The following NEBL variants were observed in gnomAD, a reference collection of about 807,000 sequenced individuals.
NEBL encodes nebulette.
NEBL carries 122 observed loss-of-function variants against 140.2 expected under a neutral mutation model. The observed-to-expected ratio is 0.87, with a 90% confidence interval of 0.75 to 1.01. The LOEUF (loss-of-function observed/expected upper bound fraction) is 1.01, where lower values mean the gene tolerates loss of function less well. Ranked by LOEUF, NEBL falls within the 50% of genes least tolerant of loss-of-function variation. The pLI, the probability that NEBL is intolerant of heterozygous loss-of-function variation, is 0.00. For synonymous variants in NEBL, 436 were observed against 398.9 expected (o/e 1.09, Z -1.11); for missense variants, 1,365 against 1,231.3 (o/e 1.11, Z -1.62).
chr10:20,843,344 A>G (rs1238691976), intron 12 of NEBL, among the ~76,000 whole-genome samples: 1 of 150,944 alleles, frequency 6.6e-6, no homozygotes, highest in Non-Finnish European at 1.5e-5. Context: ...GTATTTTGTT[A>G]TAGCAGCCAG....
rs182723748 is a variant in NEBL, at chr10:20,831,349, A to G, written c.1561-43T>C. ...AATCTTAGAGCTTTGCTTAAGCTTTAATAGCGATGTTGAAATTTACATGTT... is the reference window on the plus strand; with the variant it reads ...AATCTTAGAGCTTTGCTTAAGCTTTGATAGCGATGTTGAAATTTACATGTT... On this transcript the variant is annotated intron_variant, in intron 15 of 27. Transcript: ENST00000377122. The G allele has an allele frequency of 2.9e-4, 454 of 1,539,964 alleles. 2 individuals carry two copies. In the African/African-American group the frequency reaches 5.2e-3, roughly 18 times the overall value.
chr10:21,254,189 G>A (rs1346250780), intron 1 of NEBL, among the ~76,000 whole-genome samples: 1 of 152,122 alleles, frequency 6.6e-6, no homozygotes, highest in Non-Finnish European at 1.5e-5. Context: ...CCAAGCTGGA[G>A]TTCAACGGCA....
chr10:20,839,029 A>G (rs1463939024), intron 13 of NEBL, among the ~76,000 whole-genome samples: 1 of 152,166 alleles, frequency 6.6e-6, no homozygotes, highest in Non-Finnish European at 1.5e-5. Flanking sequence ...AACCCATAGT[A>G]TCTCCACAGT....
chr10:21,240,941 C>CAA, intron 3 of NEBL, among the ~76,000 whole-genome samples: 1 of 151,002 alleles, frequency 6.6e-6, no homozygotes, highest in Non-Finnish European at 1.5e-5. Context: ...CACACACACA[C>CAA]ACACAAAACC....
intron 2 of NEBL, among the ~76,000 whole-genome samples, chr10:21,058,103 C>A (rs1287867321): frequency 1.3e-5 from 2 of 152,202 alleles, no homozygotes; most frequent in Admixed American, 1.3e-4. Context: ...ATACTACTAA[C>A]AGCTACTATC....
chr10:21,103,456 G>T (rs1411963991), intron 2 of NEBL, among the ~76,000 whole-genome samples: 1 of 151,980 alleles, frequency 6.6e-6, no homozygotes, highest in African/African-American at 2.4e-5. Context: ...CTCCTGATCC[G>T]CCCACCTTGG....
intron 2 of NEBL, among the ~76,000 whole-genome samples, chr10:21,090,158 G>A (rs1473950796): frequency 6.6e-6 from 1 of 152,196 alleles, no homozygotes; most frequent in East Asian, 1.9e-4. Flanking sequence ...AAGAGCTACG[G>A]TCTTCCCAGT....
chr10:20,829,196 T>TA (rs1840167022), intron 16 of NEBL, among the ~76,000 whole-genome samples: 2 of 152,112 alleles, frequency 1.3e-5, no homozygotes, highest in Admixed American at 6.6e-5. Flanking sequence ...TGAAGTTAAT[T>TA]ATTCTGGCAA....
At chr10:21,013,085 G>A (rs539607446) in intron 3 of NEBL, among the ~76,000 whole-genome samples, 18 of 152,222 alleles carry the variant, frequency 1.2e-4, no homozygotes, top group South Asian at 4.2e-4. Context: ...CAATGGGGGC[G>A]TGGGGGCAGG....
chr10:21,107,459 G>A (rs1837772919), intron 2 of NEBL, among the ~76,000 whole-genome samples: 1 of 152,034 alleles, frequency 6.6e-6, no homozygotes, highest in African/African-American at 2.4e-5. Context: ...TGTTTATGTG[G>A]TGGATTATGT....
intron 4 of NEBL, among the ~76,000 whole-genome samples, chr10:20,915,466 T>G (rs980908536): frequency 6.7e-6 from 1 of 148,598 alleles, no homozygotes; most frequent in African/African-American, 2.5e-5. Context: ...CCATGTGTTC[T>G]CATTGTTCAA....
intron 3 of NEBL, among the ~76,000 whole-genome samples, chr10:21,195,327 G>A (rs917580524): frequency 4.6e-5 from 7 of 152,168 alleles, no homozygotes; most frequent in African/African-American, 1.7e-4. Context: ...AGCTCAACTT[G>A]AGTGACAGCC....
At chr10:21,044,171 C>T (rs58157498) in intron 2 of NEBL, among the ~76,000 whole-genome samples, 15,300 of 151,932 alleles carry the variant, frequency 0.1, 2,526 homozygotes, top group African/African-American at 0.35. Flanking sequence ...CCAAGGCGGG[C>T]GGATCACCTG....
intron 3 of NEBL, among the ~76,000 whole-genome samples, chr10:21,191,107 T>C (rs1233006343): frequency 1.3e-5 from 2 of 152,216 alleles, no homozygotes; most frequent in African/African-American, 4.8e-5. Context: ...TCATATACAA[T>C]ATGTTCTGTG....
Position 20,944,195 on chromosome 10 carries a change from T to C in NEBL, c.357+17477A>G, listed in dbSNP as rs112404095. ...CAGGCAGGTCACCTGAGGTCTGGAG[T>C]TCAAGACCAGCCTTGCCACCCTGGT... is the stretch of plus-strand genomic sequence containing the variant. On this transcript the variant is annotated intron_variant, in intron 4 of 6. Coordinates refer to the NEBL transcript ENST00000417816. Among the ~76,000 whole-genome samples the C allele has an allele frequency of 4.8e-3, 731 of 151,724 alleles. 7 individuals are homozygous for C. Among genetic ancestry groups the C allele is most frequent in the African/African-American group, 0.017 (709 of 41,336 alleles).
At chr10:21,136,122 T>A (rs914620294) in intron 2 of NEBL, among the ~76,000 whole-genome samples, 2 of 152,130 alleles carry the variant, frequency 1.3e-5, no homozygotes, top group African/African-American at 4.8e-5. Context: ...CAGTGGAAGA[T>A]ACTCTAACCC....
chr10:21,249,184 T>A (rs948524278), intron 2 of NEBL, among the ~76,000 whole-genome samples: 2 of 152,140 alleles, frequency 1.3e-5, no homozygotes, highest in African/African-American at 4.8e-5. Context: ...ATGAGCACCA[T>A]ACCCAGCCCC....
At chr10:20,922,514 C>A (rs1427111899) in intron 4 of NEBL, among the ~76,000 whole-genome samples, 1 of 152,214 alleles carries the variant, frequency 6.6e-6, no homozygotes, top group Non-Finnish European at 1.5e-5. Context: ...ACAGAAAAAT[C>A]TAGTCTATTC....
At chr10:20,959,781 T>A (rs1250207937) in intron 4 of NEBL, among the ~76,000 whole-genome samples, 1 of 150,708 alleles carries the variant, frequency 6.6e-6, no homozygotes, top group Non-Finnish European at 1.5e-5. Flanking sequence ...CGCAAAAAGT[T>A]TTTTTTTTAA....
Sources: allele counts gnomAD v4.1 joint callset (sites outside exome capture counted in the v4.1 genomes callset), GRCh38; gene constraint gnomAD v4.1.1; transcripts MANE v1.5; gene names NCBI Gene and HGNC (gene_info 2026-07-23, HGNC 2026-07-21).